Variants in C2orf92 observed in about 807,000 individuals in gnomAD.
C2orf92 encodes the protein uncharacterized protein C2orf92.
At chr2:97,677,412 G>T (rs755015880) in intron 3 of C2orf92, 3 of 152,144 alleles carry the variant, frequency 2.0e-5, no homozygotes, top group Non-Finnish European at 2.9e-5. Context: ...TCTCTTTTTG[G>T]AGATAGACAC....
chr2:97,690,786 GT>G lies in C2orf92; in HGVS notation c.403+470del, dbSNP rs1266017095. Among the ~76,000 whole-genome samples the G allele has an allele frequency of 3.8e-4, 42 of 110,386 alleles. No homozygotes were observed. In the East Asian group the frequency reaches 6.5e-3, roughly 17 times the overall value. 72.4% of individuals were successfully genotyped at this position (110,386 alleles called of 152,430 possible). On this transcript the variant is annotated intron_variant, in intron 5 of 7. Transcript: ENST00000627399. ...AGAGAGTACTTGTTTTTTTTTTTTT[GT>G]TTTTTTTTTTGAGACAGAGTCTCAC...
intron 3 of C2orf92, among the ~76,000 whole-genome samples, chr2:97,680,651 G>A (rs1216186247): frequency 6.6e-6 from 1 of 152,206 alleles, no homozygotes; most frequent in East Asian, 1.9e-4. Context: ...AAGAGGCCAG[G>A]GGCGGTGGCT....
intron 3 of C2orf92, among the ~76,000 whole-genome samples, chr2:97,680,798 C>A (rs1314722492): frequency 1.3e-5 from 2 of 152,028 alleles, no homozygotes; most frequent in Non-Finnish European, 2.9e-5. Flanking sequence ...TGGTGGTGGG[C>A]ACCTGTAGTC....
intron 5 of C2orf92, among the ~76,000 whole-genome samples, chr2:97,691,709 C>T (rs1157414086): frequency 6.6e-6 from 1 of 152,128 alleles, no homozygotes; most frequent in Non-Finnish European, 1.5e-5. Context: ...ATGGGAAGAG[C>T]TTATTAAAAA....
At chr2:97,679,854 GA>G (rs953587399) in intron 3 of C2orf92, among the ~76,000 whole-genome samples, 3 of 120,294 alleles carry the variant, frequency 2.5e-5, no homozygotes, top group Admixed American at 8.2e-5. Context: ...AAAAAAAAAA[GA>G]AAAAAAAGAA....
At chr2:97,695,898 C>T (rs1270728572) in intron 5 of C2orf92, among the ~76,000 whole-genome samples, 1 of 152,140 alleles carries the variant, frequency 6.6e-6, no homozygotes, top group Non-Finnish European at 1.5e-5. Context: ...ACTACAGGCA[C>T]GCACCACCAT....
chr2:97,695,248 A>G (rs561832085), intron 5 of C2orf92, among the ~76,000 whole-genome samples: 2 of 152,332 alleles, frequency 1.3e-5, no homozygotes, highest in Admixed American at 1.3e-4. Flanking sequence ...AATGTCATGA[A>G]GTTTCTGCTC....
At chr2:97,695,930 A>C (rs1394872855) in intron 5 of C2orf92, among the ~76,000 whole-genome samples, 1 of 152,226 alleles carries the variant, frequency 6.6e-6, no homozygotes, top group East Asian at 1.9e-4. Flanking sequence ...TTGCCTAGCA[A>C]GACAGGTTTA....
intron 3 of C2orf92, among the ~76,000 whole-genome samples, chr2:97,686,316 C>G (rs1010875718): frequency 1.3e-5 from 2 of 152,198 alleles, no homozygotes; most frequent in African/African-American, 4.8e-5. Context: ...TAGGCCCTAC[C>G]TCCTAACATG....
intron 3 of C2orf92, among the ~76,000 whole-genome samples, chr2:97,680,802 T>A (rs1675744352): frequency 6.6e-6 from 1 of 152,084 alleles, no homozygotes; most frequent in Non-Finnish European, 1.5e-5. Flanking sequence ...GGTGGGCACC[T>A]GTAGTCCCAG....
intron 3 of C2orf92, among the ~76,000 whole-genome samples, chr2:97,683,776 T>C (rs1675861610): frequency 6.6e-6 from 1 of 152,212 alleles, no homozygotes; most frequent in Non-Finnish European, 1.5e-5. Context: ...AACAGTGTGA[T>C]ACTAGTATAA....
chr2:97,701,514 G>A lies in C2orf92; in HGVS notation c.665+210G>A, dbSNP rs562545536. Reference sequence around the variant, plus strand: ...GCCTGGGTGATTCTGATGCACAGCCGGGTTTGGGGATCCCTGGGTGGGCCA... The same window carrying A: ...GCCTGGGTGATTCTGATGCACAGCCAGGTTTGGGGATCCCTGGGTGGGCCA... On this transcript the variant is annotated intron_variant, in intron 7 of 7. Coordinates refer to ENST00000627399, the MANE Select transcript of C2orf92 (RefSeq NM_001351368.2). Among the ~76,000 whole-genome samples the A allele has an allele frequency of 6.2e-4, 94 of 152,320 alleles. 1 individual carries two copies. Among genetic ancestry groups the A allele is most frequent in the African/African-American group, 2.1e-3 (88 of 41,572 alleles).
intron 6 of C2orf92, among the ~76,000 whole-genome samples, chr2:97,699,720 A>T (rs1490289122): frequency 2.6e-5 from 4 of 152,244 alleles, no homozygotes; most frequent in African/African-American, 9.6e-5. Context: ...CTCATCCCTG[A>T]GCCCAGACCT....
intron 5 of C2orf92, among the ~76,000 whole-genome samples, chr2:97,695,510 T>A (rs981981452): frequency 6.6e-6 from 1 of 152,176 alleles, no homozygotes; most frequent in Non-Finnish European, 1.5e-5. Flanking sequence ...ATAATGTATC[T>A]TCACCCTTGA....
upstream of C2orf92, chr2:97,663,974 C>G: frequency 1.2e-6 from 1 of 860,986 alleles, no homozygotes; most frequent in Non-Finnish European, 1.5e-6. Flanking sequence ...GGGACGGCGG[C>G]GGCTCCCGAC....
chr2:97,684,038 T>C (rs1328775504), intron 3 of C2orf92, among the ~76,000 whole-genome samples: 6 of 138,834 alleles, frequency 4.3e-5, no homozygotes, highest in African/African-American at 1.6e-4. Flanking sequence ...CTAATTTTTT[T>C]TTTTTTTTTT....
upstream of C2orf92, chr2:97,667,976 G>A (rs1179704939): frequency 6.6e-6 from 1 of 152,116 alleles, no homozygotes; most frequent in Non-Finnish European, 1.5e-5. Flanking sequence ...TACGCTTTCA[G>A]CATTTGCAAA....
chr2:97,690,777 T>A (rs544325224), intron 5 of C2orf92, among the ~76,000 whole-genome samples: 62 of 150,512 alleles, frequency 4.1e-4, no homozygotes, highest in African/African-American at 1.2e-3. Flanking sequence ...TACTTGTTTT[T>A]TTTTTTTTGT....
chr2:97,689,796 C>T (rs141747111), intron 4 of C2orf92, among the ~76,000 whole-genome samples: 76 of 152,298 alleles, frequency 5.0e-4, no homozygotes, highest in African/African-American at 1.8e-3. Context: ...ACACATTTTG[C>T]TCACACAAGT....
Sources: gnomAD v4.1 joint callset for allele counts (sites outside exome capture counted in the v4.1 genomes callset) on GRCh38, gnomAD v4.1.1 for gene constraint, MANE v1.5 for transcripts, NCBI Gene and HGNC (gene_info 2026-07-23, HGNC 2026-07-21) for gene names.